NBAS: variants seen among roughly 807,000 people sequenced by gnomAD.
NBAS encodes NBAS subunit of NRZ tethering complex, also known as NAG/BC035112 fusion.
In NBAS, 219 loss-of-function variants were observed where a neutral mutation model predicts 302.5. That is an observed-to-expected ratio of 0.72 (90% confidence interval 0.65 to 0.81). The LOEUF is 0.81. Ranked by LOEUF, NBAS falls within the 30% of genes least tolerant of loss-of-function variation. NBAS has a pLI of 0.00. For missense variants in NBAS, 2,932 were observed against 2,841.6 expected (o/e 1.03, Z -0.72); for synonymous variants, 1,118 against 1,021.6 (o/e 1.09, Z -1.80).
intron 21 of NBAS, among the ~76,000 whole-genome samples, chr2:15,435,605 C>G (rs1312844100): frequency 6.6e-6 from 1 of 152,178 alleles, no homozygotes; most frequent in Admixed American, 6.5e-5. Context: ...TGAACCCAGG[C>G]AGTCCGGTTC....
intron 41 of NBAS, among the ~76,000 whole-genome samples, chr2:15,288,885 TC>T (rs1204901423): frequency 6.6e-6 from 1 of 152,218 alleles, no homozygotes. Context: ...AGTAAATATT[TC>T]AGGCTTTACT....
At chr2:15,418,533 C>G (rs1332515633) in intron 23 of NBAS, among the ~76,000 whole-genome samples, 1 of 152,216 alleles carries the variant, frequency 6.6e-6, no homozygotes, top group African/African-American at 2.4e-5. Flanking sequence ...AAAGATCTCT[C>G]AGCCTTGTAA....
chr2:14,780,015 C>T, the NBAS span, among the ~76,000 whole-genome samples: 75 of 152,216 alleles, frequency 4.9e-4, no homozygotes, highest in South Asian at 0.015. Flanking sequence ...CTGGGACCCC[C>T]GATCTTAACC....
the NBAS span, among the ~76,000 whole-genome samples, chr2:15,038,408 G>A: frequency 3.9e-5 from 6 of 152,224 alleles, no homozygotes; most frequent in Non-Finnish European, 7.4e-5. Context: ...ACCACGCCCC[G>A]CCAACTGACT....
At chr2:15,361,405 C>T (rs749532774) in intron 32 of NBAS, among the ~76,000 whole-genome samples, 3 of 151,464 alleles carry the variant, frequency 2.0e-5, no homozygotes, top group South Asian at 2.1e-4. Flanking sequence ...CCCAGCTACT[C>T]GGGAGGCTGA....
the NBAS span, among the ~76,000 whole-genome samples, chr2:14,783,424 C>T: frequency 1.3e-5 from 2 of 150,150 alleles, no homozygotes; most frequent in African/African-American, 4.9e-5. Flanking sequence ...CACCCATTAA[C>T]TCGTCATTTA....
chr2:14,938,769 G>A, the NBAS span, among the ~76,000 whole-genome samples: 1 of 152,154 alleles, frequency 6.6e-6, no homozygotes. Flanking sequence ...AAGAAATTAA[G>A]GGTTATTGTG....
chr2:14,828,498 A>G, the NBAS span, among the ~76,000 whole-genome samples: 3 of 152,222 alleles, frequency 2.0e-5, no homozygotes, highest in Non-Finnish European at 4.4e-5. Context: ...TTCAAACCAC[A>G]TGAGAGGAAT....
At chr2:15,532,752 T>C (rs1032594929) in intron 9 of NBAS, among the ~76,000 whole-genome samples, 1 of 151,990 alleles carries the variant, frequency 6.6e-6, no homozygotes, top group Non-Finnish European at 1.5e-5. Context: ...AGCAAGAAGT[T>C]GGGTGGAGGA....
chr2:14,907,790 G>A, the NBAS span: 1 of 152,264 alleles, frequency 6.6e-6, no homozygotes, highest in African/African-American at 2.4e-5. Context: ...GGCGAATGGA[G>A]TTGGATCGAA....
chr2:15,229,411 TTG>T (rs1196492547), intron 47 of NBAS, among the ~76,000 whole-genome samples: 1 of 147,086 alleles, frequency 6.8e-6, no homozygotes, highest in Non-Finnish European at 1.5e-5. Flanking sequence ...TGTACAATTA[TTG>T]TGTGTCAATT....
intron 28 of NBAS, among the ~76,000 whole-genome samples, chr2:15,388,534 G>A (rs1231574481): frequency 6.7e-6 from 1 of 149,252 alleles, no homozygotes; most frequent in Admixed American, 6.8e-5. Flanking sequence ...ATTGCTGACA[G>A]AAATATACAC....
At chr2:15,225,237 T>A (rs1044596432) in intron 47 of NBAS, among the ~76,000 whole-genome samples, 1 of 152,228 alleles carries the variant, frequency 6.6e-6, no homozygotes, top group African/African-American at 2.4e-5. Context: ...GGGCTTCACT[T>A]ATCAGTGAAA....
At chr2:15,190,790 T>G (rs1665315688) in intron 48 of NBAS, among the ~76,000 whole-genome samples, 1 of 152,200 alleles carries the variant, frequency 6.6e-6, no homozygotes, top group African/African-American at 2.4e-5. Flanking sequence ...AAATCCTAAT[T>G]TTCATTAGAA....
chr2:14,793,435 G>A, the NBAS span, among the ~76,000 whole-genome samples: 9 of 152,098 alleles, frequency 5.9e-5, no homozygotes, highest in African/African-American at 2.2e-4. Context: ...GGGTTTAACA[G>A]CAGAATATTG....
Position 15,291,921 on chromosome 2 carries a change from C to T in NBAS, c.5027+616G>A, listed in dbSNP as rs187769858. On this transcript the variant is annotated intron_variant, in intron 41 of 51. Transcript: ENST00000281513. ...TCTTAGAACTGGGCTATCAAAACTA[C>T]AGGAAACTTTAAAAAAAAATAGTAA... Among the ~76,000 whole-genome samples the T allele has an allele frequency of 7.0e-3, 1,072 of 152,186 alleles. 4 individuals are homozygous for T. The highest frequency in any genetic ancestry group is 0.023 in the South Asian group (111 of 4,822).
chr2:14,915,858 C>A, the NBAS span, among the ~76,000 whole-genome samples: 1 of 152,130 alleles, frequency 6.6e-6, no homozygotes, highest in Admixed American at 6.5e-5. Flanking sequence ...CTGTGCCTGG[C>A]CTCTGATGGT....
chr2:14,887,270 G>A, the NBAS span, among the ~76,000 whole-genome samples: 2 of 152,034 alleles, frequency 1.3e-5, no homozygotes, highest in African/African-American at 4.8e-5. Context: ...CGGGCATGGT[G>A]GCACATGCCT....
the NBAS span, among the ~76,000 whole-genome samples, chr2:14,829,822 C>T: frequency 2.6e-5 from 4 of 152,200 alleles, no homozygotes; most frequent in Non-Finnish European, 5.9e-5. Context: ...CAGAAAACTC[C>T]GCATTCATTT....
Sources: gnomAD v4.1 joint callset for allele counts (sites outside exome capture counted in the v4.1 genomes callset) on GRCh38, gnomAD v4.1.1 for gene constraint, MANE v1.5 for transcripts, NCBI Gene and HGNC (gene_info 2026-07-23, HGNC 2026-07-21) for gene names.